The following UQCRC2 variants were observed in gnomAD, a reference collection of about 807,000 sequenced individuals.
The protein encoded by UQCRC2 is ubiquinol-cytochrome c reductase core protein 2.
In UQCRC2, 49 loss-of-function variants were observed where a neutral mutation model predicts 55.6. The observed-to-expected ratio is 0.88, with a 90% CI of 0.70 to 1.12. UQCRC2 has a LOEUF of 1.12. Among genes scored for constraint, UQCRC2 ranks in the 50% most tolerant of loss-of-function variants. The pLI is 0.00. For missense variants in UQCRC2, 506 were observed against 547.8 expected (o/e 0.92, Z 0.76); for synonymous variants, 193 against 192.0 (o/e 1.01, Z -0.04).
intron 4 of UQCRC2, among the ~76,000 whole-genome samples, chr16:21,961,824 G>T (rs1206985274): frequency 6.6e-6 from 1 of 150,940 alleles, no homozygotes; most frequent in Non-Finnish European, 1.5e-5. Flanking sequence ...GCTAATTTTT[G>T]TATTTTCAGT....
intron 4 of UQCRC2, 74 bp from the exon 5 acceptor site, chr16:21,962,386 G>T: frequency 6.4e-7 from 1 of 1,553,562 alleles, no homozygotes; most frequent in Non-Finnish European, 8.9e-7. Flanking sequence ...AAAGGAATTG[G>T]TTGATAGAAG....
chr16:21,983,181 A>G lies in UQCRC2; in HGVS notation c.*10A>G. 2 of 1,612,210 alleles carry G rather than the reference A, an allele frequency of 1.2e-6. No individual in the cohort carries two copies. Among genetic ancestry groups the G allele is most frequent in the African/African-American group, 1.3e-5 (1 of 74,970 alleles). On this transcript the variant is annotated 3_prime_UTR_variant, in exon 14 of 14. Transcript: ENST00000268379. ...TGTTGATGAGTTGTAATACTGATGC[A>G]CACATTACAGGAGAGAGCTGAACGT... is the stretch of plus-strand genomic sequence containing the variant.
chr16:21,981,199 T>C (rs1898717886), intron 13 of UQCRC2, among the ~76,000 whole-genome samples: 2 of 152,170 alleles, frequency 1.3e-5, no homozygotes, highest in African/African-American at 4.8e-5. Context: ...TAGGACATTC[T>C]CTTGTTCTTG....
intron 1 of UQCRC2, among the ~76,000 whole-genome samples, chr16:21,956,203 C>T (rs1192288883): frequency 6.6e-6 from 1 of 152,128 alleles, no homozygotes; most frequent in Non-Finnish European, 1.5e-5. Context: ...GAACGGATGA[C>T]ATTCATTGGG....
At chr16:21,957,166 G>C in intron 1 of UQCRC2, 69 bp from the exon 2 acceptor site, 2 of 1,511,038 alleles carry the variant, frequency 1.3e-6, no homozygotes, top group East Asian at 2.3e-5. Context: ...GGTACCCTAA[G>C]ATACCATGCT....
At position 21,971,116 on chromosome 16, in the gene UQCRC2, G is replaced by T. The variant is rs573154524; in HGVS notation, c.671-409G>T. Among the ~76,000 whole-genome samples the T allele has an allele frequency of 3.3e-5, 5 of 152,176 alleles. No individual in the cohort carries two copies. In the South Asian group the frequency reaches 1.0e-3, roughly 32 times the overall value. On this transcript the variant is annotated intron_variant, in intron 8 of 13. Transcript: ENST00000268379. ...AGCTAACTATTAGAAACATGCTAGC[G>T]TCCATTAGGAGGGGATTGATCAAAT...
intron 12 of UQCRC2, 27 bp downstream of exon 12, chr16:21,976,270 A>C (rs753956972): frequency 6.4e-7 from 1 of 1,565,208 alleles, no homozygotes; most frequent in South Asian, 1.1e-5. Context: ...ACTGTGTTTT[A>C]TGTTTTTGTT....
Position 21,965,483 on chromosome 16 carries a change from T to C in UQCRC2, c.590T>C (p.Ile197Thr), listed in dbSNP as rs1369055499. The C allele has an allele frequency of 1.2e-6, 2 of 1,607,086 alleles. No homozygotes were observed. The highest frequency in any genetic ancestry group is 2.7e-5 in the African/African-American group (2 of 74,572). Residue 197 changes from isoleucine to threonine, a missense_variant, in exon 7 of 14, where the codon ATT (isoleucine) becomes ACT (threonine). Coordinates refer to ENST00000268379, the MANE Select transcript of UQCRC2 (RefSeq NM_003366.4). Reference sequence around the variant, plus strand: ...CCCTTGTATTGTCCTGACTATAGGATTGGAAAAGTGACATCAGAGGAGGTA... The same window carrying C: ...CCCTTGTATTGTCCTGACTATAGGACTGGAAAAGTGACATCAGAGGAGGTA... ...ANPLYCPDYR[I>T]GKVTSEELHY...
In UQCRC2 at chr16:21,983,191, G is replaced by A. The variant is rs745368077; in HGVS notation, c.*20G>A. The A allele has an allele frequency of 8.7e-6, 14 of 1,604,966 alleles. No homozygotes were observed. In the African/African-American group the frequency reaches 1.7e-4, roughly 20 times the overall value. On this transcript the variant is annotated 3_prime_UTR_variant, in exon 14 of 14. Coordinates refer to ENST00000268379, the MANE Select transcript of UQCRC2 (RefSeq NM_003366.4). Reference sequence around the variant, plus strand: ...TTGTAATACTGATGCACACATTACAGGAGAGAGCTGAACGTTCTCTCAGCC... The same window carrying A: ...TTGTAATACTGATGCACACATTACAAGAGAGAGCTGAACGTTCTCTCAGCC...
chr16:21,966,027 A>T (rs1264293691), intron 7 of UQCRC2, among the ~76,000 whole-genome samples: 1 of 151,748 alleles, frequency 6.6e-6, no homozygotes, highest in Non-Finnish European at 1.5e-5. Context: ...AAGTATCATA[A>T]TAGGGGCTGG....
In UQCRC2 at chr16:21,980,683, A is replaced by G. The variant is rs770710832; in HGVS notation, c.1261A>G (p.Asn421Asp). Residue 421 changes from asparagine (N) to aspartate (D), a missense_variant, in exon 13 of 14, where the codon AAT (asparagine) becomes GAT (aspartate). Physicochemically the swap from Asn to Asp is conservative, Grantham distance 23. Coordinates refer to ENST00000268379, the MANE Select transcript of UQCRC2 (RefSeq NM_003366.4). ...TVLQQIDSVA[N>D]ADIINAAKKF... ...CCTTCAGCAGATTGATTCAGTGGCT[A>G]ATGCTGATATCATAAATGTAAGTAA... 2.3e-5 allele frequency: 37 copies of G among 1,613,532 alleles called. No homozygotes were observed. The highest frequency in any genetic ancestry group is 3.3e-4 in the Middle Eastern group (2 of 6,084).
intron 6 of UQCRC2, among the ~76,000 whole-genome samples, chr16:21,964,964 C>T (rs1705487467): frequency 6.6e-6 from 1 of 152,168 alleles, no homozygotes; most frequent in South Asian, 2.1e-4. Context: ...GTGGAAGCTC[C>T]CATTGGTCCC....
At chr16:21,982,597 C>G (rs1440269715) in intron 13 of UQCRC2, among the ~76,000 whole-genome samples, 1 of 152,212 alleles carries the variant, frequency 6.6e-6, no homozygotes, top group Non-Finnish European at 1.5e-5. Context: ...TCCTCCCACA[C>G]TGTCCCAAAT....
intron 4 of UQCRC2, among the ~76,000 whole-genome samples, chr16:21,961,727 C>G (rs2141931150): frequency 7.0e-6 from 1 of 143,584 alleles, no homozygotes; most frequent in South Asian, 2.2e-4. Context: ...TCTTGGCTCA[C>G]TGTAACCTCC....
At chr16:21,974,319 G>A (rs143679138) in intron 11 of UQCRC2, among the ~76,000 whole-genome samples, 1 of 152,150 alleles carries the variant, frequency 6.6e-6, no homozygotes, top group East Asian at 1.9e-4. Context: ...TTGAAATCAG[G>A]GATATGTGTG....
At position 21,976,218 on chromosome 16, in the gene UQCRC2, T is replaced by C; in HGVS notation, c.1099T>C (p.Ser367Pro). The C allele has an allele frequency of 6.2e-7, 1 of 1,614,030 alleles. No individual in the cohort carries two copies. The highest frequency in any genetic ancestry group is 1.1e-5 in the South Asian group (1 of 91,070). ...QVKTIAQGNL[S>P]NTDVQAAKNK... is the part of the protein sequence containing the mutation. ...AAAAACAATAGCTCAAGGAAACCTT[T>C]CCAACACAGATGTCCAAGCTGCCAA... is the stretch of plus-strand genomic sequence containing the variant. The change falls in exon 12 of 14, where the codon TCC becomes CCC. Residue 367 changes from serine (S) to proline (P), a missense_variant. Coordinates refer to ENST00000268379, the MANE Select transcript of UQCRC2 (RefSeq NM_003366.4).
At chr16:21,955,417 A>T (rs1057398613) in intron 1 of UQCRC2, among the ~76,000 whole-genome samples, 1 of 152,186 alleles carries the variant, frequency 6.6e-6, no homozygotes, top group Non-Finnish European at 1.5e-5. Context: ...CTGTGCAGGG[A>T]TGTCCGGGAA....
At chr16:21,978,264 T>A (rs927350816) in intron 12 of UQCRC2, among the ~76,000 whole-genome samples, 5 of 152,228 alleles carry the variant, frequency 3.3e-5, no homozygotes, top group Non-Finnish European at 5.9e-5. Context: ...AAAATCATTT[T>A]TTAATTAAGC....
At chr16:21,957,697 T>G (rs1032292334) in intron 3 of UQCRC2, 131 bp downstream of exon 3, 2 of 1,321,180 alleles carry the variant, frequency 1.5e-6, no homozygotes, top group Non-Finnish European at 2.1e-6. Context: ...ACGGACTGGG[T>G]AGCTTAAACC....
Sources: allele counts gnomAD v4.1 joint callset (sites outside exome capture counted in the v4.1 genomes callset), GRCh38; gene constraint gnomAD v4.1.1; transcripts MANE v1.5; gene names NCBI Gene and HGNC (gene_info 2026-07-23, HGNC 2026-07-21).